The following KRIT1 variants were observed in gnomAD, a reference collection of about 807,000 sequenced individuals.
The protein encoded by KRIT1 is KRIT1 ankyrin repeat containing.
A neutral mutation model predicts 95.8 loss-of-function variants in KRIT1; 45 were observed. That is an observed-to-expected ratio of 0.47 (90% CI 0.37 to 0.60). The LOEUF (loss-of-function observed/expected upper bound fraction) is 0.60, where lower values mean the gene tolerates loss of function less well. KRIT1 is among the 20% of genes least tolerant of loss of function. KRIT1 has a pLI of 0.00. For missense variants in KRIT1, 788 were observed against 877.5 expected (o/e 0.90, Z 1.29); for synonymous variants, 282 against 278.8 (o/e 1.01, Z -0.11).
At chr7:92,210,110 T>C (rs540381276) in intron 17 of KRIT1, among the ~76,000 whole-genome samples, 2 of 151,972 alleles carry the variant, frequency 1.3e-5, no homozygotes, top group South Asian at 2.1e-4. Context: ...AAAACAGCAA[T>C]ATTACCCAAA....
At position 92,237,602 on chromosome 7, in the gene KRIT1, C is replaced by T; in HGVS notation, c.355+65G>A. ...AACTATGAATGCAAATTCTTAACTT[C>T]CTCAATAGACCTTTACTTAGCATCT... On this transcript the variant is annotated intron_variant, in intron 6 of 18. Coordinates refer to ENST00000394505, the MANE Select transcript of KRIT1 (RefSeq NM_194454.3). 10 of 874,144 alleles carry T rather than the reference C, an allele frequency of 1.1e-5. 1 individual carries two copies. The South Asian group carries it at 1.5e-4, about 13-fold the overall frequency. The allele number at this position is 874,144 out of a possible 1,614,324, so 54.1% of individuals were successfully genotyped here.
chr7:92,216,377 G>A (rs573569834), intron 14 of KRIT1, among the ~76,000 whole-genome samples: 1 of 150,614 alleles, frequency 6.6e-6, no homozygotes, highest in East Asian at 1.9e-4. Flanking sequence ...AAAATTTCAT[G>A]GGGAAAAAAT....
chr7:92,237,771 TAA>T lies in KRIT1; in HGVS notation c.263-14_263-13del. On this transcript the variant is annotated splice_polypyrimidine_tract_variant and intron_variant, in intron 5 of 18. Coordinates refer to ENST00000394505, the MANE Select transcript of KRIT1 (RefSeq NM_194454.3). ...TACAACTCGTTTTCCTAATCATTTT[TAA>T]AAAGTTAGCAAAACAAAAATAATAC... The T allele has an allele frequency of 1.4e-6, 2 of 1,466,616 alleles. No individual in the cohort carries two copies. The highest frequency in any genetic ancestry group is 1.9e-6 in the Non-Finnish European group (2 of 1,046,060). 90.9% of individuals were successfully genotyped at this position (1,466,616 alleles called of 1,614,324 possible).
intron 10 of KRIT1, 74 bp from the exon 11 acceptor site, chr7:92,226,756 T>C (rs1796288161): frequency 1.4e-6 from 2 of 1,406,692 alleles, no homozygotes; most frequent in East Asian, 2.3e-5. Context: ...GAAATGTTTT[T>C]AAAAATCCAA....
chr7:92,222,098 A>G (rs767411877), intron 13 of KRIT1, 45 bp from the exon 14 acceptor site: 46 of 1,421,240 alleles, frequency 3.2e-5, no homozygotes, highest in Admixed American at 5.0e-5. Flanking sequence ...TAAAAAGTCA[A>G]TTATATCAAT....
chr7:92,202,800 T>C (rs1419697510), intron 17 of KRIT1, among the ~76,000 whole-genome samples: 1 of 152,180 alleles, frequency 6.6e-6, no homozygotes, highest in African/African-American at 2.4e-5. Context: ...ACATTAAGTA[T>C]AAGGAAAAAC....
intron 7 of KRIT1, 106 bp downstream of exon 7, chr7:92,236,307 T>C (rs1210544856): frequency 2.1e-5 from 16 of 754,214 alleles, no homozygotes; most frequent in Non-Finnish European, 2.6e-5. Context: ...AATACATATA[T>C]TATTTTCATT....
chr7:92,230,531 G>C (rs557711363), intron 10 of KRIT1, among the ~76,000 whole-genome samples: 4 of 152,262 alleles, frequency 2.6e-5, no homozygotes, highest in Non-Finnish European at 5.9e-5. Context: ...GAGTGAAAAA[G>C]AGAAAGCAGA....
At chr7:92,208,888 C>A (rs199709975) in intron 17 of KRIT1, among the ~76,000 whole-genome samples, 3 of 152,034 alleles carry the variant, frequency 2.0e-5, no homozygotes, top group Admixed American at 6.6e-5. Flanking sequence ...AAGGACACAA[C>A]AAAAAAGAAA....
chr7:92,222,437 G>T (rs1188387678), intron 13 of KRIT1, among the ~76,000 whole-genome samples: 3 of 151,978 alleles, frequency 2.0e-5, no homozygotes, highest in African/African-American at 7.3e-5. Context: ...ATAGTCATTA[G>T]GTTGATTTTA....
At chr7:92,221,774 G>C in intron 14 of KRIT1, 128 bp downstream of exon 14, 1 of 767,240 alleles carries the variant, frequency 1.3e-6, no homozygotes, top group Non-Finnish European at 2.2e-6. Flanking sequence ...CTGAAACTCC[G>C]CCAATTATCA....
intron 17 of KRIT1, among the ~76,000 whole-genome samples, chr7:92,202,643 G>A (rs1032335372): frequency 6.6e-6 from 1 of 152,086 alleles, no homozygotes; most frequent in Non-Finnish European, 1.5e-5. Flanking sequence ...TTAAAGTGAG[G>A]TTCTGTCTGG....
intron 14 of KRIT1, among the ~76,000 whole-genome samples, chr7:92,220,433 C>T (rs1794897695): frequency 6.6e-6 from 1 of 152,000 alleles, no homozygotes; most frequent in Non-Finnish European, 1.5e-5. Context: ...CTATCTTTGG[C>T]TTGATAATAT....
At chr7:92,206,520 C>T (rs1791524213) in intron 17 of KRIT1, 1 of 152,186 alleles carries the variant, frequency 6.6e-6, no homozygotes, top group Non-Finnish European at 1.5e-5. Flanking sequence ...ACTGCACTCA[C>T]CCAGAATCAA....
chr7:92,217,939 T>C (rs940969767), intron 14 of KRIT1, among the ~76,000 whole-genome samples: 158 of 152,322 alleles, frequency 1.0e-3, no homozygotes, highest in Non-Finnish European at 4.3e-4. Context: ...TTGTTTTTTA[T>C]AGCCATCCTA....
intron 13 of KRIT1, 55 bp from the exon 14 acceptor site, chr7:92,222,108 T>C: frequency 2.2e-6 from 3 of 1,346,918 alleles, no homozygotes; most frequent in Admixed American, 1.7e-5. Flanking sequence ...ATTATATCAA[T>C]GCATAGAAAC....
intron 14 of KRIT1, among the ~76,000 whole-genome samples, chr7:92,217,231 G>A (rs956962898): frequency 1.3e-5 from 2 of 152,170 alleles, no homozygotes; most frequent in Non-Finnish European, 2.9e-5. Flanking sequence ...TAGATTATAT[G>A]CAGATTTTAT....
In KRIT1 at chr7:92,237,733, A is replaced by AT; in HGVS notation, c.288dup (p.Phe97IlefsTer24). ...CCCATCTTCTCTCCATCCAGAGGAA[A>AT]TTTTTTCATTAGTACAACTCGTTTT... On this transcript the variant is annotated frameshift_variant, in exon 6 of 19. Coordinates refer to ENST00000394505, the MANE Select transcript of KRIT1 (RefSeq NM_194454.3). LOFTEE classifies it high-confidence loss of function. The AT allele has an allele frequency of 1.2e-6, 2 of 1,602,298 alleles. No individual in the cohort carries two copies. Among genetic ancestry groups the AT allele is most frequent in the Non-Finnish European group, 1.7e-6 (2 of 1,169,654 alleles).
At chr7:92,225,931 G>A in intron 11 of KRIT1, 104 bp from the exon 12 acceptor site, 2 of 702,792 alleles carry the variant, frequency 2.8e-6, no homozygotes. Flanking sequence ...AGAGACTCTT[G>A]TCAAGTACTA....
Sources: allele counts gnomAD v4.1 joint callset (sites outside exome capture counted in the v4.1 genomes callset), GRCh38; gene constraint gnomAD v4.1.1; transcripts MANE v1.5; gene names NCBI Gene and HGNC (gene_info 2026-07-23, HGNC 2026-07-21).